Variants in CTNND2 observed in about 807,000 individuals in gnomAD.
CTNND2 encodes the protein catenin delta-2.
In CTNND2, 22 loss-of-function variants were observed where a neutral mutation model predicts 144.4. The observed-to-expected ratio is 0.15, with a 90% confidence interval of 0.11 to 0.22. The LOEUF (loss-of-function observed/expected upper bound fraction) is 0.22. CTNND2 is among the 10% of genes least tolerant of loss of function. CTNND2 has a pLI of 1.00. For missense variants in CTNND2, 1,353 were observed against 1,618.8 expected (o/e 0.84, Z 2.82); for synonymous variants, 751 against 695.6 (o/e 1.08, Z -1.25).
intron 2 of CTNND2, among the ~76,000 whole-genome samples, chr5:11,591,913 G>T (rs1779261425): frequency 6.6e-6 from 1 of 151,880 alleles, no homozygotes. Context: ...ATTGGGGAGG[G>T]GAGCAATTCT....
Position 11,159,713 on chromosome 5 carries a change from G to A in CTNND2, c.2022C>T (p.Ile674=), listed in dbSNP as rs765317435. The A allele has an allele frequency of 6.2e-7, 1 of 1,609,116 alleles. No individual in the cohort carries two copies. Among genetic ancestry groups the A allele is most frequent in the South Asian group, 1.1e-5 (1 of 90,024 alleles). Residue 674 remains isoleucine (I), a synonymous_variant, in exon 12 of 22, where the codon ATC becomes ATT. Coordinates refer to ENST00000304623, the MANE Select transcript of CTNND2 (RefSeq NM_001332.4). ...TCAGTACTGCTAGGGCATCCTGGATGATTGGCATTTTGAGTGCATCGCATG... is the reference window on the plus strand; with the variant it reads ...TCAGTACTGCTAGGGCATCCTGGATAATTGGCATTTTGAGTGCATCGCATG... ...LSSCDALKMP[I]IQDALAVLTN...
At chr5:11,587,395 C>T (rs930694349) in intron 2 of CTNND2, among the ~76,000 whole-genome samples, 2 of 151,648 alleles carry the variant, frequency 1.3e-5, no homozygotes, top group Non-Finnish European at 2.9e-5. Flanking sequence ...TAAGAGATGC[C>T]CTCAGAATAA....
chr5:11,897,036 T>C (rs1737448061), intron 1 of CTNND2, among the ~76,000 whole-genome samples: 1 of 152,180 alleles, frequency 6.6e-6, no homozygotes, highest in Non-Finnish European at 1.5e-5. Context: ...ATTTGTACTA[T>C]CTCTGAGACT....
At chr5:11,490,097 T>C (rs2149991693) in intron 3 of CTNND2, among the ~76,000 whole-genome samples, 1 of 152,296 alleles carries the variant, frequency 6.6e-6, no homozygotes, top group African/African-American at 2.4e-5. Flanking sequence ...CTCCTGAGGG[T>C]CTAACTTTCT....
chr5:11,173,692 G>A (rs1760176683), intron 11 of CTNND2, among the ~76,000 whole-genome samples: 1 of 152,094 alleles, frequency 6.6e-6, no homozygotes, highest in Non-Finnish European at 1.5e-5. Context: ...CAAAGTACAA[G>A]ATAAATTCCC....
chr5:11,354,651 A>G (rs1479363155), intron 8 of CTNND2, among the ~76,000 whole-genome samples: 2 of 152,230 alleles, frequency 1.3e-5, no homozygotes, highest in Non-Finnish European at 2.9e-5. Flanking sequence ...TAGACTATAG[A>G]ACAGTAGGGA....
At chr5:11,748,305 C>T (rs534615368) in intron 1 of CTNND2, among the ~76,000 whole-genome samples, 6 of 152,158 alleles carry the variant, frequency 3.9e-5, no homozygotes, top group East Asian at 1.9e-4. Context: ...TATTACAACA[C>T]ATGACTTTAA....
chr5:11,848,550 C>G (rs1360399505), intron 1 of CTNND2, among the ~76,000 whole-genome samples: 1 of 151,598 alleles, frequency 6.6e-6, no homozygotes, highest in African/African-American at 2.4e-5. Flanking sequence ...CTAAATTTTC[C>G]CCCTACCTTA....
At chr5:11,680,298 G>A (rs1000374462) in intron 2 of CTNND2, among the ~76,000 whole-genome samples, 82 of 152,268 alleles carry the variant, frequency 5.4e-4, no homozygotes, top group African/African-American at 1.9e-3. Context: ...CCCTAGAGCA[G>A]TGGTTTCCAC....
chr5:11,892,199 T>G (rs1364629669), intron 1 of CTNND2, among the ~76,000 whole-genome samples: 2 of 152,090 alleles, frequency 1.3e-5, no homozygotes, highest in Non-Finnish European at 2.9e-5. Context: ...CACATGCAGC[T>G]TAGCTTGTTG....
At chr5:11,837,470 T>C (rs749931943) in intron 1 of CTNND2, among the ~76,000 whole-genome samples, 2 of 152,170 alleles carry the variant, frequency 1.3e-5, no homozygotes, top group Non-Finnish European at 2.9e-5. Flanking sequence ...ACAGAACTGG[T>C]AAGGGCTTGT....
At chr5:11,406,996 A>C (rs1185224551) in intron 5 of CTNND2, among the ~76,000 whole-genome samples, 2 of 143,226 alleles carry the variant, frequency 1.4e-5, no homozygotes, top group Non-Finnish European at 1.5e-5. Flanking sequence ...CTGTGGTTAA[A>C]CATACGAGTT....
chr5:11,895,770 A>G (rs956630239), intron 1 of CTNND2, among the ~76,000 whole-genome samples: 8 of 152,204 alleles, frequency 5.3e-5, no homozygotes, highest in Admixed American at 3.3e-4. Context: ...AAAGGAAAAT[A>G]GATAAATTGA....
chr5:11,236,866 C>T, intron 9 of CTNND2, 43 bp from the exon 10 acceptor site: 3 of 1,608,354 alleles, frequency 1.9e-6, no homozygotes, highest in Non-Finnish European at 2.6e-6. Context: ...AGAGAGAAAT[C>T]CTACCACACT....
chr5:11,304,469 C>A (rs1250315416), intron 9 of CTNND2, among the ~76,000 whole-genome samples: 1 of 152,160 alleles, frequency 6.6e-6, no homozygotes, highest in Non-Finnish European at 1.5e-5. Context: ...CTCAGCAATG[C>A]ATTTCATTCC....
intron 2 of CTNND2, among the ~76,000 whole-genome samples, chr5:11,682,215 C>T (rs1019806643): frequency 6.6e-6 from 1 of 152,206 alleles, no homozygotes; most frequent in Non-Finnish European, 1.5e-5. Context: ...CCTAGACTCT[C>T]AGATCTTTAT....
chr5:11,035,012 T>C, intron 16 of CTNND2, among the ~76,000 whole-genome samples: 1 of 124,016 alleles, frequency 8.1e-6, no homozygotes. Context: ...CCCAATGCTA[T>C]CCCTCCCCCC....
intron 9 of CTNND2, among the ~76,000 whole-genome samples, chr5:11,314,256 C>T (rs188491235): frequency 3.9e-5 from 6 of 152,306 alleles, no homozygotes; most frequent in Admixed American, 3.9e-4. Context: ...TTGATCATTT[C>T]TCGTTCTTTC....
At chr5:11,658,112 T>G (rs1018438910) in intron 2 of CTNND2, among the ~76,000 whole-genome samples, 1 of 152,182 alleles carries the variant, frequency 6.6e-6, no homozygotes, top group African/African-American at 2.4e-5. Context: ...AAGTATTTCC[T>G]GAAAACCTAT....
Sources: allele counts gnomAD v4.1 joint callset (sites outside exome capture counted in the v4.1 genomes callset), GRCh38; gene constraint gnomAD v4.1.1; transcripts MANE v1.5; gene names NCBI Gene and HGNC (gene_info 2026-07-23, HGNC 2026-07-21).